The following ANO4 variants were observed in gnomAD, a reference collection of about 807,000 sequenced individuals.
ANO4 encodes anoctamin 4, also known as anoctamin-4.
Under a neutral mutation model 141.9 loss-of-function variants are expected in ANO4, and 69 were observed. That is an observed-to-expected ratio of 0.49 (90% CI 0.40 to 0.59). ANO4 has a LOEUF of 0.59. ANO4 is among the 20% of genes least tolerant of loss of function. ANO4 has a pLI of 0.00. For synonymous variants in ANO4, 350 were observed against 394.3 expected (o/e 0.89, Z 1.33); for missense variants, 894 against 1,162.2 (o/e 0.77, Z 3.36).
chr12:100,889,454 A>C (rs1245604744), intron 1 of ANO4, among the ~76,000 whole-genome samples: 1 of 152,190 alleles, frequency 6.6e-6, no homozygotes, highest in Non-Finnish European at 1.5e-5. Flanking sequence ...AGGAATCGCC[A>C]CACTGACTTC....
intron 2 of ANO4, among the ~76,000 whole-genome samples, chr12:100,914,520 A>C (rs1460743588): frequency 3.3e-5 from 5 of 152,218 alleles, no homozygotes; most frequent in Admixed American, 1.3e-4. Flanking sequence ...AATACTAATA[A>C]AATGACATGA....
chr12:100,985,029 A>G (rs1385885985), intron 7 of ANO4, among the ~76,000 whole-genome samples: 1 of 152,204 alleles, frequency 6.6e-6, no homozygotes, highest in African/African-American at 2.4e-5. Flanking sequence ...TGAATTTTAC[A>G]AAGTGTGATC....
intron 8 of ANO4, among the ~76,000 whole-genome samples, chr12:100,989,493 T>C (rs1397403039): frequency 6.6e-6 from 1 of 152,062 alleles, no homozygotes. Flanking sequence ...TGCAGAAGGG[T>C]ATCACCAATT....
chr12:100,775,898 T>C (rs1426684157), intron 3 of ANO4, among the ~76,000 whole-genome samples: 1 of 152,076 alleles, frequency 6.6e-6, no homozygotes, highest in East Asian at 1.9e-4. Context: ...TAAGTACCTA[T>C]GATTTCTTTT....
At chr12:100,868,226 T>C (rs975398408) in intron 1 of ANO4, among the ~76,000 whole-genome samples, 1 of 152,186 alleles carries the variant, frequency 6.6e-6, no homozygotes, top group African/African-American at 2.4e-5. Flanking sequence ...AGCATGCACC[T>C]GAGGCAGCAT....
intron 1 of ANO4, among the ~76,000 whole-genome samples, chr12:100,732,610 C>T (rs576017879): frequency 1.3e-5 from 2 of 152,164 alleles, no homozygotes; most frequent in South Asian, 2.1e-4. Flanking sequence ...TTGTCTTTGG[C>T]GTTATATCTA....
rs904757468 is a variant in ANO4, at chr12:100,815,103, G to T, written c.-141+20076G>T. ...GGCATGAGCAAGTGCATAAGTGATG[G>T]TGGGGGGAATGGTTATCAGTTACCT... On this transcript the variant is annotated intron_variant, in intron 1 of 27. Coordinates refer to ENST00000392977, the MANE Select transcript of ANO4 (RefSeq NM_001286615.2). 2.8e-4 allele frequency among the ~76,000 whole-genome samples: 42 copies of T among 152,108 alleles called. 2 individuals are homozygous for T. Among genetic ancestry groups the T allele is most frequent in the Non-Finnish European group, 7.4e-5 (5 of 68,024 alleles).
intron 14 of ANO4, among the ~76,000 whole-genome samples, chr12:101,071,782 C>T (rs998962367): frequency 2.6e-5 from 4 of 151,992 alleles, no homozygotes; most frequent in African/African-American, 9.7e-5. Context: ...CATTGCATGC[C>T]TGTAGCAGAA....
chr12:100,949,289 T>C (rs534530433), intron 5 of ANO4, among the ~76,000 whole-genome samples: 83 of 152,330 alleles, frequency 5.4e-4, no homozygotes, highest in Admixed American at 3.4e-3. Context: ...CCTCCAAGCC[T>C]ATAGTAATTT....
At chr12:100,862,829 T>C (rs563930787) in intron 1 of ANO4, among the ~76,000 whole-genome samples, 3 of 152,182 alleles carry the variant, frequency 2.0e-5, no homozygotes, top group Non-Finnish European at 2.9e-5. Flanking sequence ...CCATCATATA[T>C]GTTGTCCATC....
chr12:100,824,525 A>T (rs3897727), intron 1 of ANO4, among the ~76,000 whole-genome samples: 24,061 of 152,064 alleles, frequency 0.16, 2,090 homozygotes, highest in African/African-American at 0.22. Flanking sequence ...AAATGGACTT[A>T]AGATGACTTC....
chr12:101,001,494 A>G (rs1163782111), intron 8 of ANO4, among the ~76,000 whole-genome samples: 1 of 152,246 alleles, frequency 6.6e-6, no homozygotes, highest in Non-Finnish European at 1.5e-5. Flanking sequence ...GCAGAAACTC[A>G]GAAACATTAA....
At chr12:100,853,782 T>C (rs558200987) in intron 1 of ANO4, among the ~76,000 whole-genome samples, 1 of 152,176 alleles carries the variant, frequency 6.6e-6, no homozygotes, top group Non-Finnish European at 1.5e-5. Context: ...AGTATCTCTG[T>C]CCTCTTCCCA....
At chr12:100,918,338 T>TTTATTC (rs1693804094) in intron 2 of ANO4, among the ~76,000 whole-genome samples, 2 of 152,278 alleles carry the variant, frequency 1.3e-5, no homozygotes, top group African/African-American at 4.8e-5. Flanking sequence ...AAAAAATATT[T>TTTATTC]TTATTCTTAT....
chr12:100,742,671 A>G (rs2031922274), intron 3 of ANO4, among the ~76,000 whole-genome samples: 1 of 152,214 alleles, frequency 6.6e-6, no homozygotes, highest in Admixed American at 6.5e-5. Flanking sequence ...AACACATTAT[A>G]AAATCATTTT....
At chr12:100,829,286 T>G (rs1272171378) in intron 1 of ANO4, among the ~76,000 whole-genome samples, 1 of 152,066 alleles carries the variant, frequency 6.6e-6, no homozygotes, top group African/African-American at 2.4e-5. Context: ...CTCTCAATCC[T>G]CAGTTTTCTT....
chr12:100,779,784 T>G (rs2033656792), intron 3 of ANO4, among the ~76,000 whole-genome samples: 1 of 152,336 alleles, frequency 6.6e-6, no homozygotes, highest in Non-Finnish European at 1.5e-5. Context: ...CCCATTCATC[T>G]TTGTACCCCC....
At chr12:101,078,683 T>A (rs1451701515) in intron 14 of ANO4, among the ~76,000 whole-genome samples, 1 of 152,106 alleles carries the variant, frequency 6.6e-6, no homozygotes, top group Non-Finnish European at 1.5e-5. Context: ...TTTACATAGG[T>A]ATTTGCTGTG....
At chr12:100,829,034 G>T (rs1913593) in intron 1 of ANO4, among the ~76,000 whole-genome samples, 150,442 of 151,970 alleles carry the variant, frequency 0.99, 74,468 homozygotes, top group East Asian at 1. Context: ...AAAAAAAAAA[G>T]CTTAATTTAA....
Sources: allele counts gnomAD v4.1 joint callset (sites outside exome capture counted in the v4.1 genomes callset), GRCh38; gene constraint gnomAD v4.1.1; transcripts MANE v1.5; gene names NCBI Gene and HGNC (gene_info 2026-07-23, HGNC 2026-07-21).